The following PFDN1 variants were observed in gnomAD, a reference collection of about 807,000 sequenced individuals.
PFDN1 encodes prefoldin subunit 1, also known as prefoldin 1.
In PFDN1, 6 loss-of-function variants were observed where a neutral mutation model predicts 17.3. The ratio of observed to expected loss-of-function variants is 0.35; its 90% CI spans 0.19 to 0.69. PFDN1 has a LOEUF of 0.69. Ranked by LOEUF, PFDN1 falls within the 30% of genes least tolerant of loss-of-function variation. PFDN1 has a pLI of 0.65. For synonymous variants in PFDN1, 58 were observed against 50.1 expected, an observed-to-expected ratio of 1.16 and a Z score of -0.67; for missense variants, 113 against 146.2, an observed-to-expected ratio of 0.77 and a Z score of 1.17.
At position 140,299,582 on chromosome 5, in the gene PFDN1, C is replaced by A. The variant is rs147425233; in HGVS notation, c.200+834G>T. On this transcript the variant is annotated intron_variant, in intron 2 of 3. Coordinates refer to ENST00000261813, the MANE Select transcript of PFDN1 (RefSeq NM_002622.5). Reference sequence around the variant, plus strand: ...ACTGCACTCTAGCCTGGCAACAGAGCGAGACTCTGTCTCAAAAAAAAAAAA... The same window carrying A: ...ACTGCACTCTAGCCTGGCAACAGAGAGAGACTCTGTCTCAAAAAAAAAAAA... Among the ~76,000 whole-genome samples the A allele has an allele frequency of 4.1e-5, 6 of 145,472 alleles. No homozygotes were observed. In the East Asian group the frequency reaches 1.0e-3, roughly 24 times the overall value.
rs149080629 is a variant in PFDN1, at chr5:140,288,052, G to T, written c.201-6519C>A. 9.3e-3 allele frequency among the ~76,000 whole-genome samples: 1,420 copies of T among 152,278 alleles called. 11 individuals are homozygous for T. The highest frequency in any genetic ancestry group is 0.012 in the Non-Finnish European group (831 of 68,022). ...CAGCTTCTTACAAAGCTTAACAGAT[G>T]ATCAATCAAATGCAGTCCATTATCC... is the stretch of plus-strand genomic sequence containing the variant. On this transcript the variant is annotated intron_variant, in intron 2 of 3. Coordinates refer to ENST00000261813, the MANE Select transcript of PFDN1 (RefSeq NM_002622.5).
intron 3 of PFDN1, among the ~76,000 whole-genome samples, chr5:140,276,874 G>C (rs1213621828): frequency 2.0e-5 from 3 of 150,748 alleles, no homozygotes; most frequent in Non-Finnish European, 3.0e-5. Context: ...AGAGGGATGA[G>C]AGAAATAAAC....
intron 2 of PFDN1, among the ~76,000 whole-genome samples, chr5:140,285,239 A>G (rs1765467859): frequency 6.6e-6 from 1 of 151,966 alleles, no homozygotes; most frequent in Non-Finnish European, 1.5e-5. Flanking sequence ...AAGACATAAG[A>G]ATGAGCCTAT....
At chr5:140,250,036 C>T (rs1366580459) in intron 3 of PFDN1, among the ~76,000 whole-genome samples, 1 of 152,176 alleles carries the variant, frequency 6.6e-6, no homozygotes, top group African/African-American at 2.4e-5. Context: ...CGGTGCTGTG[C>T]TCTTGGGTAA....
rs1765663200 is a variant in PFDN1 at position 140,296,913 on chromosome 5, A to G, written c.200+3503T>C. ...ACTTGAGGCAAAGGGTAAATTAAGAACAGATTATGAATAACCATGAATGCA... is the reference window on the plus strand; with the variant it reads ...ACTTGAGGCAAAGGGTAAATTAAGAGCAGATTATGAATAACCATGAATGCA... On this transcript the variant is annotated intron_variant, in intron 2 of 3. Transcript: ENST00000261813. 2.0e-5 allele frequency among the ~76,000 whole-genome samples: 3 copies of G among 152,230 alleles called. No individual in the cohort carries two copies. In the South Asian group the frequency reaches 6.2e-4, roughly 31 times the overall value.
chr5:140,299,132 G>C (rs1349647443), intron 2 of PFDN1, among the ~76,000 whole-genome samples: 2 of 152,142 alleles, frequency 1.3e-5, no homozygotes, highest in Non-Finnish European at 2.9e-5. Context: ...TTTATGATTT[G>C]TATCACTCCT....
chr5:140,300,288 C>T, intron 2 of PFDN1, 128 bp downstream of exon 2: 3 of 670,358 alleles, frequency 4.5e-6, no homozygotes, highest in Non-Finnish European at 7.7e-6. Context: ...CTCGACCTCC[C>T]AAAGTGCCAG....
At chr5:140,259,565 T>G (rs1765035008) in intron 3 of PFDN1, among the ~76,000 whole-genome samples, 1 of 152,228 alleles carries the variant, frequency 6.6e-6, no homozygotes, top group Non-Finnish European at 1.5e-5. Context: ...AGTGCCAATA[T>G]TTCAGTTTGT....
At chr5:140,279,995 C>CAAAAAAAAAAAAAAAAAAA (rs772575762) in intron 3 of PFDN1, among the ~76,000 whole-genome samples, 48 of 31,202 alleles carry the variant, frequency 1.5e-3, no homozygotes, top group East Asian at 1.6e-3. Context: ...AACTCCGTCT[C>CAAAAAAAAAAAAAAAAAAA]AAAAAAAAAA....
rs747599070 is a variant in PFDN1, at chr5:140,245,574, C to T, written c.*400G>A. On this transcript the variant is annotated 3_prime_UTR_variant, in exon 4 of 4. Coordinates refer to ENST00000261813, the MANE Select transcript of PFDN1 (RefSeq NM_002622.5). ...GAGGGAGCAGGAGCTGAGGTGGAGA[C>T]GGCCACTGCCTCTCTCACCCTCTGT... 3.1e-5 allele frequency: 22 copies of T among 702,368 alleles called. No homozygotes were observed. Among genetic ancestry groups the T allele is most frequent in the South Asian group, 4.4e-5 (3 of 67,606 alleles). The allele number at this position is 702,368 out of a possible 1,614,324, so 43.5% of individuals were successfully genotyped here.
At chr5:140,256,489 A>G (rs1764986665) in intron 3 of PFDN1, among the ~76,000 whole-genome samples, 1 of 151,976 alleles carries the variant, frequency 6.6e-6, no homozygotes, top group African/African-American at 2.4e-5. Context: ...CAGATTTAAC[A>G]TATCCAATTA....
At chr5:140,270,651 C>T (rs1765192833) in intron 3 of PFDN1, among the ~76,000 whole-genome samples, 1 of 152,152 alleles carries the variant, frequency 6.6e-6, no homozygotes, top group South Asian at 2.1e-4. Flanking sequence ...ATGGGCCAGG[C>T]ACGATGGCTT....
chr5:140,288,300 G>T (rs1403741694), intron 2 of PFDN1, among the ~76,000 whole-genome samples: 1 of 152,158 alleles, frequency 6.6e-6, no homozygotes, highest in Admixed American at 6.5e-5. Flanking sequence ...GAAGAAACCA[G>T]TATAGTATGA....
chr5:140,278,587 A>AAC (rs1561508718), intron 3 of PFDN1, among the ~76,000 whole-genome samples: 10 of 131,784 alleles, frequency 7.6e-5, no homozygotes, highest in Admixed American at 1.6e-4. Context: ...AAAAAAAAAA[A>AAC]CAAAAAACAA....
chr5:140,281,155 G>GT (rs986572832), intron 3 of PFDN1: 45 of 224,538 alleles, frequency 2.0e-4, no homozygotes, highest in South Asian at 4.7e-4. Flanking sequence ...TTATGGTTTT[G>GT]TTTTTTTTAA....
chr5:140,263,353 T>C (rs1226650577), intron 3 of PFDN1, among the ~76,000 whole-genome samples: 1 of 152,204 alleles, frequency 6.6e-6, no homozygotes, highest in Non-Finnish European at 1.5e-5. Flanking sequence ...TCTGGATCAA[T>C]ATTAAAAACC....
At chr5:140,278,545 G>A (rs1334687359) in intron 3 of PFDN1, among the ~76,000 whole-genome samples, 1 of 105,100 alleles carries the variant, frequency 9.5e-6, no homozygotes, top group African/African-American at 3.8e-5. Flanking sequence ...GGGACAGAAT[G>A]AGACTCTGTC....
At chr5:140,268,742 G>A (rs893997953) in intron 3 of PFDN1, among the ~76,000 whole-genome samples, 3 of 152,110 alleles carry the variant, frequency 2.0e-5, no homozygotes, top group Admixed American at 2.0e-4. Flanking sequence ...TATAAGACAG[G>A]ATAAAGCACT....
chr5:140,269,376 T>C (rs935957129), intron 3 of PFDN1, among the ~76,000 whole-genome samples: 1 of 151,234 alleles, frequency 6.6e-6, no homozygotes, highest in Non-Finnish European at 1.5e-5. Flanking sequence ...TGGAGTGCAA[T>C]GGCATGATCT....
Sources: allele counts gnomAD v4.1 joint callset (sites outside exome capture counted in the v4.1 genomes callset), GRCh38; gene constraint gnomAD v4.1.1; transcripts MANE v1.5; gene names NCBI Gene and HGNC (gene_info 2026-07-23, HGNC 2026-07-21).